Variants in KCNIP1 observed in about 807,000 individuals in gnomAD.
KCNIP1 encodes A-type potassium channel modulatory protein KCNIP1.
KCNIP1 carries 18 observed loss-of-function variants against 33.0 expected under a neutral mutation model. The observed-to-expected ratio is 0.55, with a 90% confidence interval of 0.38 to 0.81. The LOEUF (loss-of-function observed/expected upper bound fraction) is 0.81. Ranked by LOEUF, KCNIP1 falls within the 30% of genes least tolerant of loss-of-function variation. KCNIP1 has a pLI of 0.00. For synonymous variants in KCNIP1, 93 were observed against 98.3 expected (o/e 0.95, Z 0.32); for missense variants, 238 against 271.6 (o/e 0.88, Z 0.87).
rs546529071 is a variant in KCNIP1, at chr5:170,626,089, G to A, written c.62-92669G>A. Among the ~76,000 whole-genome samples, 4 of 152,338 alleles carry A rather than the reference G, an allele frequency of 2.6e-5. No homozygotes were observed. In the East Asian group the frequency reaches 7.7e-4, roughly 29 times the overall value. ...TGCAGGGCCTTGCAGGTGATGGGAA[G>A]GAGTTTGGAAGGTGCTGGAAGGTTT... On this transcript the variant is annotated intron_variant, in intron 1 of 7. Transcript: ENST00000328939.
intron 5 of KCNIP1, among the ~76,000 whole-genome samples, chr5:170,728,720 C>T (rs1764090709): frequency 6.6e-6 from 1 of 151,938 alleles, no homozygotes; most frequent in Non-Finnish European, 1.5e-5. Flanking sequence ...ATTATAATGA[C>T]AGCAATTCTT....
chr5:170,626,714 C>A (rs961037053), intron 1 of KCNIP1, among the ~76,000 whole-genome samples: 3 of 152,194 alleles, frequency 2.0e-5, no homozygotes, highest in African/African-American at 7.2e-5. Flanking sequence ...GCTGTCCGGG[C>A]CACAGCCGAG....
At chr5:170,381,782 T>G (rs1764251010) in intron 1 of KCNIP1, among the ~76,000 whole-genome samples, 1 of 152,126 alleles carries the variant, frequency 6.6e-6, no homozygotes, top group South Asian at 2.1e-4. Context: ...CCCATATCAC[T>G]CCCGGAGAAT....
At chr5:170,709,825 G>A (rs765763021) in intron 1 of KCNIP1, among the ~76,000 whole-genome samples, 67 of 151,444 alleles carry the variant, frequency 4.4e-4, no homozygotes, top group South Asian at 1.0e-3. Context: ...ACTTTTCATC[G>A]CGTCTCATAT....
chr5:170,628,499 T>C (rs889285938), intron 1 of KCNIP1, among the ~76,000 whole-genome samples: 3 of 152,168 alleles, frequency 2.0e-5, no homozygotes, highest in Non-Finnish European at 2.9e-5. Flanking sequence ...TGTGTGTGTG[T>C]GCGTTTCTGG....
At chr5:170,526,391 C>A (rs1205384285) in intron 1 of KCNIP1, among the ~76,000 whole-genome samples, 1 of 152,170 alleles carries the variant, frequency 6.6e-6, no homozygotes, top group Middle Eastern at 3.2e-3. Context: ...GGGGTGGATT[C>A]GAACTCAGGC....
At chr5:170,416,447 G>T (rs1581171596) in intron 1 of KCNIP1, among the ~76,000 whole-genome samples, 1 of 152,282 alleles carries the variant, frequency 6.6e-6, no homozygotes, top group East Asian at 1.9e-4. Context: ...AATGATCACT[G>T]AAGAGACTCG....
At chr5:170,491,262 G>T (rs1757200526) in intron 1 of KCNIP1, among the ~76,000 whole-genome samples, 1 of 151,198 alleles carries the variant, frequency 6.6e-6, no homozygotes, top group Non-Finnish European at 1.5e-5. Context: ...ATGAATGAAT[G>T]AATGAATGAA....
At chr5:170,478,994 A>T (rs1756917635) in intron 1 of KCNIP1, among the ~76,000 whole-genome samples, 1 of 151,938 alleles carries the variant, frequency 6.6e-6, no homozygotes, top group Non-Finnish European at 1.5e-5. Context: ...GAAAAGGGGG[A>T]TTGCACGTTA....
intron 1 of KCNIP1, among the ~76,000 whole-genome samples, chr5:170,609,123 A>C (rs903929118): frequency 6.6e-6 from 1 of 152,226 alleles, no homozygotes; most frequent in African/African-American, 2.4e-5. Context: ...GAATGTACAC[A>C]GCAAAGACTG....
intron 1 of KCNIP1, among the ~76,000 whole-genome samples, chr5:170,453,009 T>C (rs1026138725): frequency 3.3e-5 from 5 of 152,240 alleles, no homozygotes; most frequent in African/African-American, 9.6e-5. Context: ...GGATTATTAC[T>C]GATTAAGTAT....
chr5:170,622,632 A>AT (rs1759648443), intron 1 of KCNIP1, among the ~76,000 whole-genome samples: 1 of 151,724 alleles, frequency 6.6e-6, no homozygotes, highest in Admixed American at 6.6e-5. Flanking sequence ...CAAAAAAAAA[A>AT]AAAAAAAGAG....
At chr5:170,530,993 GA>G (rs1263375133) in intron 1 of KCNIP1, among the ~76,000 whole-genome samples, 1 of 152,166 alleles carries the variant, frequency 6.6e-6, no homozygotes, top group African/African-American at 2.4e-5. Flanking sequence ...CCCTCTTCGA[GA>G]TTCTCTGCAC....
intron 1 of KCNIP1, among the ~76,000 whole-genome samples, chr5:170,686,856 A>C (rs759940258): frequency 2.0e-5 from 3 of 152,106 alleles, no homozygotes; most frequent in Non-Finnish European, 4.4e-5. Flanking sequence ...TATTTCCCTC[A>C]AGGCAATATC....
At chr5:170,405,292 T>C in intron 1 of KCNIP1, among the ~76,000 whole-genome samples, 1 of 152,076 alleles carries the variant, frequency 6.6e-6, no homozygotes, top group Non-Finnish European at 1.5e-5. Context: ...CCTCCAGGTA[T>C]CAAGCGATTC....
chr5:170,401,975 C>T (rs978398836), intron 1 of KCNIP1, among the ~76,000 whole-genome samples: 1 of 152,160 alleles, frequency 6.6e-6, no homozygotes, highest in African/African-American at 2.4e-5. Context: ...CCCGTGCTCC[C>T]TCCAAAGGCT....
chr5:170,563,160 C>T (rs541463785), intron 1 of KCNIP1, among the ~76,000 whole-genome samples: 1 of 152,212 alleles, frequency 6.6e-6, no homozygotes, highest in Non-Finnish European at 1.5e-5. Context: ...CACCCCCACT[C>T]CTCCAGAGTG....
chr5:170,503,945 T>C, upstream of KCNIP1: 4 of 373,334 alleles, frequency 1.1e-5, no homozygotes, highest in Admixed American at 6.5e-5. Flanking sequence ...GCCCCCACCG[T>C]GCAGCCCTCG....
chr5:170,556,169 G>A (rs1365207022), intron 1 of KCNIP1, among the ~76,000 whole-genome samples: 1 of 152,222 alleles, frequency 6.6e-6, no homozygotes, highest in Non-Finnish European at 1.5e-5. Flanking sequence ...CCTATTTGAT[G>A]GATGAGCAAG....
Sources: gnomAD v4.1 joint callset for allele counts (sites outside exome capture counted in the v4.1 genomes callset) on GRCh38, gnomAD v4.1.1 for gene constraint, MANE v1.5 for transcripts, NCBI Gene and HGNC (gene_info 2026-07-23, HGNC 2026-07-21) for gene names.